Variants in ZNF438 observed in about 807,000 individuals in gnomAD.
The protein encoded by ZNF438 is zinc finger protein 438.
ZNF438 carries 25 observed loss-of-function variants against 38.0 expected under a neutral mutation model. The ratio of observed to expected loss-of-function variants is 0.66; its 90% CI spans 0.48 to 0.92. ZNF438 has a LOEUF of 0.92. ZNF438 is among the 40% of genes least tolerant of loss of function. The pLI, the probability that ZNF438 is intolerant of heterozygous loss-of-function variation, is 0.00. For synonymous variants in ZNF438, 372 were observed against 364.1 expected (o/e 1.02, Z -0.25); for missense variants, 1,007 against 999.6 (o/e 1.01, Z -0.10).
At chr10:30,872,223 C>T (rs1412544583) in intron 4 of ZNF438, among the ~76,000 whole-genome samples, 6 of 151,440 alleles carry the variant, frequency 4.0e-5, no homozygotes, top group Admixed American at 3.9e-4. Flanking sequence ...GGGTTAAATT[C>T]AAGATCAGTC....
chr10:30,949,598 A>C (rs1216263690), intron 1 of ZNF438, among the ~76,000 whole-genome samples: 1 of 152,228 alleles, frequency 6.6e-6, no homozygotes. Flanking sequence ...AGGGGTTGTA[A>C]TACTAGTCTC....
At chr10:31,009,842 C>CTT (rs34508005) in intron 1 of ZNF438, among the ~76,000 whole-genome samples, 160 of 116,258 alleles carry the variant, frequency 1.4e-3, no homozygotes, top group Non-Finnish European at 1.8e-3. Flanking sequence ...CTTATCAATT[C>CTT]TTTTTTTTTT....
At chr10:30,925,987 G>A (rs956278988) in intron 2 of ZNF438, among the ~76,000 whole-genome samples, 1 of 152,134 alleles carries the variant, frequency 6.6e-6, no homozygotes, top group Non-Finnish European at 1.5e-5. Flanking sequence ...CTGCTTAGCA[G>A]CCAAACAGCA....
At chr10:30,880,912 T>A (rs1213962824) in intron 3 of ZNF438, among the ~76,000 whole-genome samples, 1 of 152,188 alleles carries the variant, frequency 6.6e-6, no homozygotes, top group Non-Finnish European at 1.5e-5. Flanking sequence ...AAAAATTGTA[T>A]GTGATAAAAT....
At chr10:30,928,684 A>C (rs2045255960) in intron 2 of ZNF438, among the ~76,000 whole-genome samples, 1 of 152,194 alleles carries the variant, frequency 6.6e-6, no homozygotes, top group Non-Finnish European at 1.5e-5. Context: ...TGCTGCTCTA[A>C]GATCAGACCA....
chr10:30,876,880 ATTT>A (rs1045891291), intron 4 of ZNF438, 115 bp downstream of exon 5: 2 of 670,146 alleles, frequency 3.0e-6, no homozygotes, highest in African/African-American at 3.8e-5. Context: ...TATAATTATA[ATTT>A]TTATTTTTAA....
intron 1 of ZNF438, among the ~76,000 whole-genome samples, chr10:30,982,317 G>A (rs1425337201): frequency 2.0e-5 from 3 of 151,894 alleles, no homozygotes; most frequent in African/African-American, 4.8e-5. Flanking sequence ...TAGCCGGGAT[G>A]GTCTCGATCT....
rs938041913 is a variant in ZNF438, at chr10:30,967,216, C to G, written c.-191-25565G>C. ...AAGGCAAAAACAGAAAGCCTTTTTG[C>G]CAACCACAAAAATTTATATACTTTA... On this transcript the variant is annotated intron_variant, in intron 1 of 5. Coordinates refer to ENST00000413025, the Ensembl canonical transcript of ZNF438. Among the ~76,000 whole-genome samples, 72 of 151,968 alleles carry G rather than the reference C, an allele frequency of 4.7e-4. 1 individual carries two copies. The highest frequency in any genetic ancestry group is 1.6e-3 in the African/African-American group (66 of 41,366).
chr10:30,870,425 CTT>C (rs72383065), intron 4 of ZNF438, among the ~76,000 whole-genome samples: 42 of 149,374 alleles, frequency 2.8e-4, no homozygotes, highest in Middle Eastern at 3.4e-3. Context: ...AAAACTGTCA[CTT>C]TTTTTTTTTT....
intron 2 of ZNF438, among the ~76,000 whole-genome samples, chr10:30,923,982 A>G (rs1410363765): frequency 6.6e-6 from 1 of 152,228 alleles, no homozygotes; most frequent in East Asian, 1.9e-4. Context: ...TTTCAATAAA[A>G]GTTTGTAACT....
At chr10:30,983,444 T>C (rs926275563) in intron 1 of ZNF438, among the ~76,000 whole-genome samples, 6 of 152,060 alleles carry the variant, frequency 3.9e-5, no homozygotes, top group African/African-American at 1.5e-4. Flanking sequence ...GGGGAGGTGT[T>C]ACACACTTTT....
chr10:30,968,674 T>G (rs2050413073), intron 1 of ZNF438, among the ~76,000 whole-genome samples: 4 of 152,012 alleles, frequency 2.6e-5, no homozygotes, highest in Admixed American at 2.6e-4. Flanking sequence ...ACTCCCGACC[T>G]CAGGTTATCC....
intron 3 of ZNF438, among the ~76,000 whole-genome samples, chr10:30,889,980 T>C (rs1336888024): frequency 6.7e-6 from 1 of 150,096 alleles, no homozygotes; most frequent in Non-Finnish European, 1.5e-5. Context: ...ATGCTGAAAA[T>C]ACTTTGTAAA....
chr10:30,846,464 G>A (rs2032128866), intron 5 of ZNF438, among the ~76,000 whole-genome samples: 1 of 152,242 alleles, frequency 6.6e-6, no homozygotes, highest in Non-Finnish European at 1.5e-5. Flanking sequence ...GCCAGGCTGA[G>A]TCACCTGCTG....
At chr10:30,880,005 T>G (rs2038993231) in intron 3 of ZNF438, among the ~76,000 whole-genome samples, 1 of 151,796 alleles carries the variant, frequency 6.6e-6, no homozygotes, top group Admixed American at 6.6e-5. Flanking sequence ...GAAAACATAT[T>G]AAGGTATATC....
At chr10:30,931,796 T>C (rs976349745) in intron 2 of ZNF438, among the ~76,000 whole-genome samples, 12 of 152,336 alleles carry the variant, frequency 7.9e-5, no homozygotes, top group African/African-American at 2.6e-4. Flanking sequence ...TCAAGTTGTG[T>C]AATTATTTTA....
chr10:30,949,125 C>A (rs1462801524), intron 1 of ZNF438, among the ~76,000 whole-genome samples: 1 of 152,126 alleles, frequency 6.6e-6, no homozygotes, highest in Non-Finnish European at 1.5e-5. Flanking sequence ...AATTTTCAAC[C>A]CAGAATTTCA....
At chr10:31,012,409 C>T (rs2055797908) in intron 1 of ZNF438, among the ~76,000 whole-genome samples, 1 of 152,168 alleles carries the variant, frequency 6.6e-6, no homozygotes, top group African/African-American at 2.4e-5. Flanking sequence ...AGGCATGAGC[C>T]ACAGTGCCTG....
At chr10:30,929,175 A>G (rs1234497932) in intron 2 of ZNF438, among the ~76,000 whole-genome samples, 1 of 152,316 alleles carries the variant, frequency 6.6e-6, no homozygotes, top group African/African-American at 2.4e-5. Flanking sequence ...GGCAGATCAC[A>G]AGGTCGGCAA....
Sources: allele counts gnomAD v4.1 joint callset (sites outside exome capture counted in the v4.1 genomes callset), GRCh38; gene constraint gnomAD v4.1.1; transcripts MANE v1.5; gene names NCBI Gene and HGNC (gene_info 2026-07-23, HGNC 2026-07-21).